The following VKORC1L1 variants were observed in gnomAD, a reference collection of about 807,000 sequenced individuals.
VKORC1L1 encodes the protein vitamin K epoxide reductase complex subunit 1L1, also known as vitamin K epoxide reductase complex subunit 1-like protein 1.
Under a neutral mutation model 18.9 loss-of-function variants are expected in VKORC1L1, and 2 were observed. The ratio of observed to expected loss-of-function variants is 0.11; its 90% confidence interval spans 0.04 to 0.33. The LOEUF is 0.33. VKORC1L1 is among the 10% of genes least tolerant of loss of function. The pLI, the probability that VKORC1L1 is intolerant of heterozygous loss-of-function variation, is 1.00. For synonymous variants in VKORC1L1, 96 were observed against 100.0 expected, an observed-to-expected ratio of 0.96 and a Z score of 0.24; for missense variants, 123 against 224.1, an observed-to-expected ratio of 0.55 and a Z score of 2.88.
chr7:65,941,673 G>GTTTTTTTTTTTTTTTTTTTTTTTTTT (rs57537567), intron 1 of VKORC1L1, among the ~76,000 whole-genome samples: 1 of 66,476 alleles, frequency 1.5e-5, no homozygotes. Context: ...TTTTCTTAAG[G>GTTTTTTTTTTTTTTTTTTTTTTTTTT]TTTTTTTTTT....
chr7:65,888,235 C>T (rs537570958), intron 1 of VKORC1L1, among the ~76,000 whole-genome samples: 2 of 152,032 alleles, frequency 1.3e-5, no homozygotes, highest in African/African-American at 4.8e-5. Flanking sequence ...CTATAGGGTC[C>T]CTGGGAGAAA....
chr7:65,908,241 C>T (rs1789438057), intron 1 of VKORC1L1, among the ~76,000 whole-genome samples: 1 of 152,050 alleles, frequency 6.6e-6, no homozygotes, highest in Non-Finnish European at 1.5e-5. Context: ...GGTGAAACCG[C>T]CGTCCCTACT....
At chr7:65,878,620 C>A (rs1372453171) in intron 1 of VKORC1L1, among the ~76,000 whole-genome samples, 3 of 151,570 alleles carry the variant, frequency 2.0e-5, no homozygotes, top group South Asian at 2.1e-4. Flanking sequence ...AAATTAAATT[C>A]TTGGCTGGAC....
rs1454949783 is a variant in VKORC1L1 at position 65,955,484 on chromosome 7, A to T, written c.*1184A>T. The T allele has an allele frequency of 6.6e-6, 1 of 152,244 alleles. No individual in the cohort carries two copies. The highest frequency in any genetic ancestry group is 6.5e-5 in the Admixed American group (1 of 15,276). The allele number at this position is 152,244 out of a possible 1,614,324, so 9.4% of individuals were successfully genotyped here. A position where few individuals can be genotyped will look rare whatever the true frequency, so the allele number is the denominator to read the frequency against. On this transcript the variant is annotated 3_prime_UTR_variant, in exon 3 of 3. Coordinates refer to ENST00000360768, the MANE Select transcript of VKORC1L1 (RefSeq NM_173517.6). ...AACAGGTAGACACATCTCAAGGCTA[A>T]ATCTGCTCATGTCGCCACTGCTCTC... is the stretch of plus-strand genomic sequence containing the variant.
intron 1 of VKORC1L1, among the ~76,000 whole-genome samples, chr7:65,926,045 A>G (rs990620471): frequency 3.9e-5 from 6 of 152,082 alleles, no homozygotes; most frequent in East Asian, 1.9e-4. Context: ...TTATTCACCT[A>G]TGGTAACATC....
At chr7:65,880,668 G>T (rs932516874) in intron 1 of VKORC1L1, among the ~76,000 whole-genome samples, 6 of 152,144 alleles carry the variant, frequency 3.9e-5, no homozygotes, top group Non-Finnish European at 8.8e-5. Flanking sequence ...GAATTTAAGA[G>T]GAGTTCATTT....
chr7:65,909,690 T>TGTG lies in VKORC1L1; in HGVS notation c.194+36125_194+36126insGTG, dbSNP rs1789468369. Among the ~76,000 whole-genome samples, 821 of 123,840 alleles carry TGTG rather than the reference T, an allele frequency of 6.6e-3. 21 individuals are homozygous for TGTG. Among genetic ancestry groups the TGTG allele is most frequent in the African/African-American group, 0.025 (781 of 31,744 alleles). 81.2% of individuals were successfully genotyped at this position (123,840 alleles called of 152,430 possible). ...AAGCTTCTAACTTTTGTTTTAGCCT[T>TGTG]TGTGTGTGTGTGTGTGTGTGTGTGT... On this transcript the variant is annotated intron_variant, in intron 1 of 2. Transcript: ENST00000360768.
At chr7:65,901,792 G>T (rs576550206) in intron 1 of VKORC1L1, among the ~76,000 whole-genome samples, 16 of 152,270 alleles carry the variant, frequency 1.1e-4, no homozygotes, top group African/African-American at 3.9e-4. Flanking sequence ...TGATCTACAG[G>T]TGCATGAGAG....
intron 1 of VKORC1L1, among the ~76,000 whole-genome samples, chr7:65,933,961 T>G (rs1789899749): frequency 6.6e-6 from 1 of 152,218 alleles, no homozygotes; most frequent in South Asian, 2.1e-4. Flanking sequence ...CTCCCCCGCC[T>G]TATGTTATAA....
chr7:65,937,037 C>T (rs980361309), intron 1 of VKORC1L1, among the ~76,000 whole-genome samples: 2 of 152,144 alleles, frequency 1.3e-5, no homozygotes, highest in African/African-American at 4.8e-5. Context: ...TGTGAAAGTA[C>T]GCTGTCATCA....
At chr7:65,918,763 T>G (rs976236220) in intron 1 of VKORC1L1, among the ~76,000 whole-genome samples, 1 of 152,216 alleles carries the variant, frequency 6.6e-6, no homozygotes, top group East Asian at 1.9e-4. Flanking sequence ...AAAGGTGGTA[T>G]AAGAGAATAT....
At chr7:65,899,756 T>C (rs1480596627) in intron 1 of VKORC1L1, among the ~76,000 whole-genome samples, 6 of 151,988 alleles carry the variant, frequency 3.9e-5, no homozygotes, top group South Asian at 2.1e-4. Context: ...TCCCAGCACT[T>C]TGGGAGGCTG....
At chr7:65,946,650 C>A (rs1380103707) in intron 1 of VKORC1L1, among the ~76,000 whole-genome samples, 3 of 152,132 alleles carry the variant, frequency 2.0e-5, no homozygotes, top group Non-Finnish European at 2.9e-5. Context: ...GGTAATCTGG[C>A]ATTTGTTTAC....
chr7:65,912,127 GA>G (rs1789512052), intron 1 of VKORC1L1, among the ~76,000 whole-genome samples: 1 of 152,000 alleles, frequency 6.6e-6, no homozygotes, highest in Admixed American at 6.6e-5. Context: ...CCATCTCAGG[GA>G]AAAAACAAGA....
At chr7:65,867,114 G>A in the VKORC1L1 span, among the ~76,000 whole-genome samples, 1 of 152,138 alleles carries the variant, frequency 6.6e-6, no homozygotes, top group African/African-American at 2.4e-5. Context: ...TTGAACCCAG[G>A]AAGCAGAGGT....
rs1411826211 is a variant in VKORC1L1, at chr7:65,956,115, G to A, written c.*1815G>A. On this transcript the variant is annotated 3_prime_UTR_variant, in exon 3 of 3. Coordinates refer to ENST00000360768, the MANE Select transcript of VKORC1L1 (RefSeq NM_173517.6). ...TTTCAATGGCTGTTGGAGTATGTAT[G>A]TACTGTTCTTGCATTCTGAAGTAGT... 1 of 152,234 alleles carries A rather than the reference G, an allele frequency of 6.6e-6. No homozygotes were observed. The highest frequency in any genetic ancestry group is 2.4e-5 in the African/African-American group (1 of 41,466). The allele number at this position is 152,234 out of a possible 1,614,324, so 9.4% of individuals were successfully genotyped here. A position where few individuals can be genotyped will look rare whatever the true frequency, so the allele number is the denominator to read the frequency against.
Position 65,934,626 on chromosome 7 carries a change from C to A in VKORC1L1, c.195-14045C>A, listed in dbSNP as rs537180123. On this transcript the variant is annotated intron_variant, in intron 1 of 2. Coordinates refer to ENST00000360768, the MANE Select transcript of VKORC1L1 (RefSeq NM_173517.6). Reference sequence around the variant, plus strand: ...GTTTCCACATGTAAGTGAAAACATGCAGTATTTGCTTTCTGTGCCAGGCTT... The same window carrying A: ...GTTTCCACATGTAAGTGAAAACATGAAGTATTTGCTTTCTGTGCCAGGCTT... Among the ~76,000 whole-genome samples the A allele has an allele frequency of 9.2e-5, 14 of 152,258 alleles. 1 individual carries two copies. The East Asian group carries it at 2.7e-3, about 29-fold the overall frequency.
intron 1 of VKORC1L1, among the ~76,000 whole-genome samples, chr7:65,899,522 G>A (rs1188986142): frequency 6.6e-6 from 1 of 152,130 alleles, no homozygotes; most frequent in Non-Finnish European, 1.5e-5. Flanking sequence ...TTGACTAGAC[G>A]TGGAAACAGA....
intron 1 of VKORC1L1, among the ~76,000 whole-genome samples, chr7:65,906,982 G>A (rs1789416751): frequency 6.6e-6 from 1 of 152,116 alleles, no homozygotes; most frequent in Non-Finnish European, 1.5e-5. Context: ...ATACAAGGGT[G>A]GAAAGTGAAA....
Sources: allele counts gnomAD v4.1 joint callset (sites outside exome capture counted in the v4.1 genomes callset), GRCh38; gene constraint gnomAD v4.1.1; transcripts MANE v1.5; gene names NCBI Gene and HGNC (gene_info 2026-07-23, HGNC 2026-07-21).